CADM2: variants seen among roughly 807,000 people sequenced by gnomAD.
CADM2 encodes cell adhesion molecule 2.
CADM2 carries 12 observed loss-of-function variants against 49.8 expected under a neutral mutation model. That is an observed-to-expected ratio of 0.24 (90% CI 0.15 to 0.39). CADM2 has a LOEUF of 0.39. Among genes scored for constraint, CADM2 ranks in the 10% least tolerant of loss-of-function variants. The probability of loss-of-function intolerance (pLI) is 1.00; values close to 1 mark genes in which losing one functional copy is unlikely to be tolerated. For missense variants in CADM2, 378 were observed against 492.3 expected (o/e 0.77, Z 2.20); for synonymous variants, 214 against 175.4 (o/e 1.22, Z -1.74).
At chr3:85,745,628 G>A (rs1034194374) in intron 2 of CADM2, among the ~76,000 whole-genome samples, 1 of 152,146 alleles carries the variant, frequency 6.6e-6, no homozygotes, top group Non-Finnish European at 1.5e-5. Flanking sequence ...CACTTTGGGA[G>A]GTGAAGGTGG....
intron 1 of CADM2, among the ~76,000 whole-genome samples, chr3:85,149,347 C>T (rs1351805211): frequency 2.0e-5 from 3 of 151,998 alleles, no homozygotes; most frequent in Non-Finnish European, 4.4e-5. Context: ...AATTGTGAGC[C>T]AATACTCTTC....
chr3:85,793,655 T>C (rs1044965124), intron 2 of CADM2, among the ~76,000 whole-genome samples: 1 of 152,312 alleles, frequency 6.6e-6, no homozygotes, highest in Admixed American at 6.5e-5. Flanking sequence ...TACTTGATGC[T>C]CTGGAGCTGG....
intron 2 of CADM2, among the ~76,000 whole-genome samples, chr3:85,753,318 G>T (rs1425861289): frequency 1.3e-5 from 2 of 152,028 alleles, no homozygotes; most frequent in Non-Finnish European, 2.9e-5. Context: ...AAAGAAGAAA[G>T]AGGAAGGGGA....
At chr3:85,142,319 A>C (rs1230665067) in intron 1 of CADM2, among the ~76,000 whole-genome samples, 1 of 152,146 alleles carries the variant, frequency 6.6e-6, no homozygotes, top group Non-Finnish European at 1.5e-5. Flanking sequence ...ATTAATATAT[A>C]CCATGGATCA....
intron 1 of CADM2, among the ~76,000 whole-genome samples, chr3:84,991,256 T>C (rs779998447): frequency 6.8e-6 from 1 of 147,612 alleles, no homozygotes; most frequent in African/African-American, 2.5e-5. Context: ...GGAAAATTCA[T>C]TGGAATTTTC....
At chr3:85,309,043 C>A (rs116406578) in intron 1 of CADM2, among the ~76,000 whole-genome samples, 1 of 152,122 alleles carries the variant, frequency 6.6e-6, no homozygotes, top group East Asian at 1.9e-4. Context: ...AAATTAAGCT[C>A]TTTTACAGTA....
chr3:85,485,011 A>G (rs1227283817), intron 1 of CADM2, among the ~76,000 whole-genome samples: 1 of 152,020 alleles, frequency 6.6e-6, no homozygotes, highest in Admixed American at 6.6e-5. Context: ...CACTTAAAGA[A>G]TAAAAAGAAA....
intron 2 of CADM2, among the ~76,000 whole-genome samples, chr3:85,773,881 G>A (rs1577280457): frequency 6.6e-6 from 1 of 151,900 alleles, no homozygotes; most frequent in African/African-American, 2.4e-5. Context: ...AGAAATTGAT[G>A]TAATTTTATC....
intron 1 of CADM2, among the ~76,000 whole-genome samples, chr3:85,360,191 T>C (rs75013084): frequency 0.063 from 9,576 of 152,108 alleles, 701 homozygotes; most frequent in African/African-American, 0.18. Context: ...AAAGATAGCA[T>C]TGAAAACCAT....
At chr3:85,522,068 T>C (rs1342833086) in intron 1 of CADM2, among the ~76,000 whole-genome samples, 1 of 152,138 alleles carries the variant, frequency 6.6e-6, no homozygotes, top group East Asian at 1.9e-4. Flanking sequence ...GTTTCCTTTG[T>C]ATTTTTGTAG....
chr3:86,026,648 A>T (rs1014668778), intron 8 of CADM2, among the ~76,000 whole-genome samples: 1 of 152,098 alleles, frequency 6.6e-6, no homozygotes, highest in East Asian at 1.9e-4. Context: ...AACCTCATGA[A>T]CTTTTAAGAT....
chr3:86,020,830 A>G (rs1342880762), intron 8 of CADM2, among the ~76,000 whole-genome samples: 1 of 152,132 alleles, frequency 6.6e-6, no homozygotes, highest in Non-Finnish European at 1.5e-5. Context: ...TATTGATGGG[A>G]CGTATTTCAA....
chr3:85,379,400 A>T (rs1256790071), intron 1 of CADM2, among the ~76,000 whole-genome samples: 1 of 152,028 alleles, frequency 6.6e-6, no homozygotes, highest in African/African-American at 2.4e-5. Context: ...GTAAATAAAG[A>T]AAAAGAACTT....
chr3:85,509,770 C>A (rs1362860024), intron 1 of CADM2, among the ~76,000 whole-genome samples: 1 of 151,976 alleles, frequency 6.6e-6, no homozygotes, highest in Admixed American at 6.6e-5. Flanking sequence ...AACAGCCTGG[C>A]ACAGTTAAAA....
chr3:85,679,983 G>A (rs190902119), intron 1 of CADM2, among the ~76,000 whole-genome samples: 78 of 152,084 alleles, frequency 5.1e-4, no homozygotes, highest in Non-Finnish European at 9.7e-4. Context: ...TACCAGGAGT[G>A]TCCAATATAA....
intron 1 of CADM2, among the ~76,000 whole-genome samples, chr3:85,327,582 A>ACACACACAC (rs1401433610): frequency 2.1e-5 from 3 of 144,790 alleles, no homozygotes; most frequent in Admixed American, 2.0e-4. Flanking sequence ...ACACACACAC[A>ACACACACAC]CACACACCAC....
chr3:85,596,047 A>G (rs1399287032), intron 1 of CADM2, among the ~76,000 whole-genome samples: 1 of 151,922 alleles, frequency 6.6e-6, no homozygotes, highest in African/African-American at 2.4e-5. Flanking sequence ...ATTAATTACT[A>G]TATGATTTAT....
chr3:85,655,715 C>T (rs1036063530), intron 1 of CADM2, among the ~76,000 whole-genome samples: 1 of 152,200 alleles, frequency 6.6e-6, no homozygotes, highest in Non-Finnish European at 1.5e-5. Flanking sequence ...CAAACCCAAA[C>T]CCAGCAGAAG....
chr3:85,350,430 T>C (rs2031227551), intron 1 of CADM2, among the ~76,000 whole-genome samples: 1 of 152,172 alleles, frequency 6.6e-6, no homozygotes, highest in Non-Finnish European at 1.5e-5. Flanking sequence ...ATTCCTAGTT[T>C]ACCTCCAAGC....
Sources: gnomAD v4.1 joint callset for allele counts (sites outside exome capture counted in the v4.1 genomes callset) on GRCh38, gnomAD v4.1.1 for gene constraint, MANE v1.5 for transcripts, NCBI Gene and HGNC (gene_info 2026-07-23, HGNC 2026-07-21) for gene names.